TBC1D22A: variants seen among roughly 807,000 people sequenced by gnomAD.
TBC1D22A encodes the protein putative GTPase activator.
In TBC1D22A, 38 loss-of-function variants were observed where a neutral mutation model predicts 60.2. The observed-to-expected ratio is 0.63, with a 90% confidence interval of 0.49 to 0.83. The LOEUF (loss-of-function observed/expected upper bound fraction) is 0.83, where lower values mean the gene tolerates loss of function less well. Among genes scored for constraint, TBC1D22A ranks in the 40% least tolerant of loss-of-function variants. The pLI is 0.00. For missense variants in TBC1D22A, 628 were observed against 701.0 expected, an observed-to-expected ratio of 0.90 and a Z score of 1.18; for synonymous variants, 302 against 281.7, an observed-to-expected ratio of 1.07 and a Z score of -0.72.
chr22:46,929,846 C>G (rs949544930), intron 8 of TBC1D22A, among the ~76,000 whole-genome samples: 1 of 152,142 alleles, frequency 6.6e-6, no homozygotes, highest in African/African-American at 2.4e-5. Flanking sequence ...GAGAAGCAAG[C>G]ATGTGCCCAA....
At chr22:46,796,080 C>T (rs568838145) in intron 3 of TBC1D22A, among the ~76,000 whole-genome samples, 39 of 151,938 alleles carry the variant, frequency 2.6e-4, no homozygotes, top group African/African-American at 7.2e-4. Context: ...GCTTGGTGTG[C>T]GGCTGCTACA....
chr22:46,986,466 T>C (rs1262915372), intron 9 of TBC1D22A, among the ~76,000 whole-genome samples: 2 of 152,270 alleles, frequency 1.3e-5, no homozygotes, highest in South Asian at 2.1e-4. Flanking sequence ...GTTTCCCTCA[T>C]ACTGACAATA....
chr22:47,092,395 T>C (rs924822842), intron 11 of TBC1D22A, among the ~76,000 whole-genome samples: 1 of 152,004 alleles, frequency 6.6e-6, no homozygotes, highest in Non-Finnish European at 1.5e-5. Context: ...GGGTTGGTGG[T>C]GGCGGAAGAA....
At chr22:47,145,561 A>T (rs570173004) in intron 12 of TBC1D22A, among the ~76,000 whole-genome samples, 4 of 152,342 alleles carry the variant, frequency 2.6e-5, no homozygotes, top group Admixed American at 2.0e-4. Context: ...TGAAGTGGTG[A>T]TCAAATAATA....
In TBC1D22A at chr22:47,161,704, C is replaced by T. The variant is rs577679164; in HGVS notation, c.1426-11794C>T. ...ACCTGGAAATGAGTGGCAGAGGCAG[C>T]GCCTGGACCCTGTGTGCCAGCCAGG... On this transcript the variant is annotated intron_variant, in intron 12 of 12. Coordinates refer to ENST00000337137, the MANE Select transcript of TBC1D22A (RefSeq NM_014346.5). 1.4e-4 allele frequency among the ~76,000 whole-genome samples: 22 copies of T among 152,364 alleles called. No homozygotes were observed. In the East Asian group the frequency reaches 3.1e-3, roughly 21 times the overall value.
intron 11 of TBC1D22A, among the ~76,000 whole-genome samples, chr22:47,043,649 G>T (rs2062924606): frequency 6.6e-6 from 1 of 152,142 alleles, no homozygotes; most frequent in Non-Finnish European, 1.5e-5. Flanking sequence ...CATGTGAGCA[G>T]GGTCTGGGGG....
At chr22:46,792,879 T>C in intron 2 of TBC1D22A, 1 of 1,429,986 alleles carries the variant, frequency 7.0e-7, no homozygotes, top group East Asian at 2.5e-5. Flanking sequence ...CCATCCATGC[T>C]GGCTTGTCCT....
chr22:46,957,667 G>A (rs950780196), intron 8 of TBC1D22A, among the ~76,000 whole-genome samples: 14 of 152,226 alleles, frequency 9.2e-5, no homozygotes, highest in South Asian at 8.3e-4. Context: ...GAACTGGCTC[G>A]GGATCCCAGA....
chr22:47,147,011 T>C (rs1295395554), intron 12 of TBC1D22A, among the ~76,000 whole-genome samples: 2 of 151,864 alleles, frequency 1.3e-5, no homozygotes, highest in Admixed American at 1.3e-4. Context: ...ACTGACATGG[T>C]TGGGGAGAGT....
At chr22:47,123,195 G>A (rs1256483621) in intron 12 of TBC1D22A, among the ~76,000 whole-genome samples, 1 of 152,106 alleles carries the variant, frequency 6.6e-6, no homozygotes, top group Non-Finnish European at 1.5e-5. Context: ...CCTTCCCTTT[G>A]GCCTGAAAAC....
intron 11 of TBC1D22A, among the ~76,000 whole-genome samples, chr22:47,102,379 C>T (rs1213139108): frequency 1.3e-5 from 2 of 152,162 alleles, no homozygotes; most frequent in African/African-American, 4.8e-5. Context: ...GCGTGTGCCT[C>T]TCACTGAAGG....
At chr22:46,980,212 T>G (rs1483990583) in intron 9 of TBC1D22A, among the ~76,000 whole-genome samples, 1 of 152,224 alleles carries the variant, frequency 6.6e-6, no homozygotes, top group Non-Finnish European at 1.5e-5. Flanking sequence ...AGATGGAGTC[T>G]CGCTCTGTTG....
intron 8 of TBC1D22A, chr22:46,915,481 C>T (rs760403704): frequency 7.0e-5 from 32 of 456,560 alleles, no homozygotes; most frequent in African/African-American, 3.0e-4. Context: ...ATCATGTGAC[C>T]GCTCATACAC....
chr22:46,984,405 A>AAAAAAAG (rs1569304186), intron 9 of TBC1D22A, among the ~76,000 whole-genome samples: 14 of 135,244 alleles, frequency 1.0e-4, no homozygotes, highest in Non-Finnish European at 1.4e-4. Context: ...AAAAAAAAAA[A>AAAAAAAG]AGAGAAGTTC....
intron 11 of TBC1D22A, among the ~76,000 whole-genome samples, chr22:47,054,320 G>A (rs991484352): frequency 1.3e-5 from 2 of 152,322 alleles, no homozygotes; most frequent in Non-Finnish European, 1.5e-5. Context: ...TGGAAGAGCT[G>A]GTGGAGACGA....
chr22:46,844,648 A>G lies in TBC1D22A; in HGVS notation c.638-34005A>G, dbSNP rs1231654777. On this transcript the variant is annotated intron_variant, in intron 4 of 12. Transcript: ENST00000337137. ...GAGGTGGGGCCGAGTGATTCCTGGG[A>G]AGGGTTGGGCTGAGCTGGATGCTTC... 2.0e-5 allele frequency among the ~76,000 whole-genome samples: 3 copies of G among 152,090 alleles called. No homozygotes were observed. The East Asian group carries it at 5.8e-4, about 29-fold the overall frequency.
intron 7 of TBC1D22A, 63 bp downstream of exon 7, chr22:46,894,909 C>G: frequency 6.4e-7 from 1 of 1,572,478 alleles, no homozygotes; most frequent in Non-Finnish European, 8.8e-7. Flanking sequence ...ACTGTGCTAA[C>G]CAGACAGTGG....
At chr22:47,120,845 GTTAAC>G (rs1420388857) in intron 12 of TBC1D22A, among the ~76,000 whole-genome samples, 3 of 152,208 alleles carry the variant, frequency 2.0e-5, no homozygotes, top group East Asian at 1.9e-4. Context: ...ATGCTAACAA[GTTAAC>G]TTAATATGGC....
chr22:46,911,168 T>A (rs760705664), intron 7 of TBC1D22A, among the ~76,000 whole-genome samples: 3 of 151,388 alleles, frequency 2.0e-5, no homozygotes, highest in African/African-American at 4.9e-5. Context: ...TGGGAGCGAG[T>A]AGGTGGGAAT....
Sources: allele counts gnomAD v4.1 joint callset (sites outside exome capture counted in the v4.1 genomes callset), GRCh38; gene constraint gnomAD v4.1.1; transcripts MANE v1.5; gene names NCBI Gene and HGNC (gene_info 2026-07-23, HGNC 2026-07-21).